TMEM108: variants seen among roughly 807,000 people sequenced by gnomAD.
The protein encoded by TMEM108 is transmembrane protein 108.
A neutral mutation model predicts 35.1 loss-of-function variants in TMEM108; 12 were observed. The observed-to-expected ratio is 0.34, with a 90% confidence interval of 0.22 to 0.55. TMEM108 has a LOEUF of 0.55. TMEM108 is among the 20% of genes least tolerant of loss of function. The probability of loss-of-function intolerance (pLI) is 0.89; values close to 1 mark genes in which losing one functional copy is unlikely to be tolerated. For missense variants in TMEM108, 680 were observed against 753.3 expected (o/e 0.90, Z 1.14); for synonymous variants, 287 against 308.6 (o/e 0.93, Z 0.73).
chr3:133,314,969 G>C (rs1272992542), intron 3 of TMEM108, among the ~76,000 whole-genome samples: 1 of 152,050 alleles, frequency 6.6e-6, no homozygotes, highest in Non-Finnish European at 1.5e-5. Context: ...TTAAAACTTG[G>C]CATCACCATC....
chr3:133,297,990 A>G (rs1415534273), intron 3 of TMEM108, among the ~76,000 whole-genome samples: 2 of 152,138 alleles, frequency 1.3e-5, no homozygotes, highest in East Asian at 1.9e-4. Flanking sequence ...ATGCATCCCT[A>G]CCTTGTAAGT....
intron 2 of TMEM108, among the ~76,000 whole-genome samples, chr3:133,150,329 A>G (rs1280237235): frequency 7.5e-6 from 1 of 132,880 alleles, no homozygotes; most frequent in Non-Finnish European, 1.6e-5. Flanking sequence ...ATTTAAAAAA[A>G]TCAGGTTATT....
chr3:133,041,398 C>A (rs1192555488), intron 1 of TMEM108, among the ~76,000 whole-genome samples: 1 of 152,160 alleles, frequency 6.6e-6, no homozygotes, highest in Non-Finnish European at 1.5e-5. Context: ...ACAAGTTGTA[C>A]CCTCCTTACC....
intron 2 of TMEM108, among the ~76,000 whole-genome samples, chr3:133,179,882 TC>T (rs1945305313): frequency 7.9e-6 from 1 of 127,144 alleles, no homozygotes; most frequent in African/African-American, 2.9e-5. Flanking sequence ...ACAAGCCTTA[TC>T]AAAAAAAAAA....
intron 2 of TMEM108, among the ~76,000 whole-genome samples, chr3:133,226,804 T>C (rs1218710724): frequency 6.6e-6 from 1 of 152,186 alleles, no homozygotes; most frequent in African/African-American, 2.4e-5. Flanking sequence ...TTCACACTAC[T>C]AATAAAGACA....
At position 133,280,959 on chromosome 3, in the gene TMEM108, GC is replaced by G. The variant is rs1264484752; in HGVS notation, c.40+51609del. On this transcript the variant is annotated intron_variant, in intron 3 of 5. Transcript: ENST00000321871. ...AGACTTCTTGAGGTCCAACCTTAAA[GC>G]TTTCACACTGTCACTTCTACCATAT... is the stretch of plus-strand genomic sequence containing the variant. Among the ~76,000 whole-genome samples, 9 of 152,340 alleles carry G rather than the reference GC, an allele frequency of 5.9e-5. No individual in the cohort carries two copies. The East Asian group carries it at 1.7e-3, about 29-fold the overall frequency.
chr3:133,356,499 G>A (rs1375879611), intron 3 of TMEM108, among the ~76,000 whole-genome samples: 5 of 152,002 alleles, frequency 3.3e-5, no homozygotes, highest in African/African-American at 9.7e-5. Flanking sequence ...AACCAAAAAA[G>A]AGCCCACATA....
intron 2 of TMEM108, among the ~76,000 whole-genome samples, chr3:133,223,428 C>G (rs1559873428): frequency 6.6e-6 from 1 of 152,152 alleles, no homozygotes; most frequent in Non-Finnish European, 1.5e-5. Flanking sequence ...GTTATTGGGT[C>G]TATAGGCATG....
chr3:133,180,414 CA>C (rs1447408539), intron 2 of TMEM108, among the ~76,000 whole-genome samples: 5 of 152,052 alleles, frequency 3.3e-5, no homozygotes, highest in African/African-American at 1.2e-4. Context: ...AATCAATTTC[CA>C]GTAACAATGT....
intron 3 of TMEM108, among the ~76,000 whole-genome samples, chr3:133,285,703 C>A (rs538171043): frequency 6.6e-6 from 1 of 152,154 alleles, no homozygotes; most frequent in Non-Finnish European, 1.5e-5. Flanking sequence ...AGCCTAATCC[C>A]GATCCCCTAG....
intron 2 of TMEM108, among the ~76,000 whole-genome samples, chr3:133,097,717 C>G (rs1343526605): frequency 6.6e-6 from 1 of 152,076 alleles, no homozygotes; most frequent in Non-Finnish European, 1.5e-5. Context: ...TAATTTTTAT[C>G]CAGAGAGACA....
At position 133,201,868 on chromosome 3, in the gene TMEM108, A is replaced by G. The variant is rs372461255; in HGVS notation, c.-46-27398A>G. On this transcript the variant is annotated intron_variant, in intron 2 of 5. Transcript: ENST00000321871. ...ATTTCTGGTTCTAGATCCTTGAGGG[A>G]TCGCCACACTGTCTTCCAAATGGTT... 2.3e-4 allele frequency among the ~76,000 whole-genome samples: 35 copies of G among 152,324 alleles called. No homozygotes were observed. The East Asian group carries it at 6.6e-3, about 29-fold the overall frequency.
rs566207678 is a variant in TMEM108, at chr3:133,115,317, A to T, written c.-47+69297A>T. Among the ~76,000 whole-genome samples the T allele has an allele frequency of 2.0e-5, 3 of 152,352 alleles. No individual in the cohort carries two copies. The South Asian group carries it at 6.2e-4, about 32-fold the overall frequency. On this transcript the variant is annotated intron_variant, in intron 2 of 5. Coordinates refer to ENST00000321871, the MANE Select transcript of TMEM108 (RefSeq NM_023943.4). ...ATTCCCACACACCAAGGATAAGCTG[A>T]CTAATAATAATATTAATAGCAGCAG...
At chr3:133,106,810 G>A (rs1043113372) in intron 2 of TMEM108, among the ~76,000 whole-genome samples, 1 of 152,266 alleles carries the variant, frequency 6.6e-6, no homozygotes, top group Admixed American at 6.5e-5. Flanking sequence ...ATTACAGTCC[G>A]AGGCAACAAC....
Position 133,124,167 on chromosome 3 carries a change from A to C in TMEM108, c.-47+78147A>C, listed in dbSNP as rs1386873553. On this transcript the variant is annotated intron_variant, in intron 2 of 5. Transcript: ENST00000321871. ...TTCAAGTATTCTTTAGAATTCACTG[A>C]GGGGAAAAAAATATGGAAAGCAGCA... 7.2e-5 allele frequency among the ~76,000 whole-genome samples: 11 copies of C among 152,210 alleles called. No homozygotes were observed. In the South Asian group the frequency reaches 8.3e-4, roughly 11 times the overall value.
chr3:133,231,171 G>A (rs1946147931), intron 3 of TMEM108, among the ~76,000 whole-genome samples: 1 of 152,018 alleles, frequency 6.6e-6, no homozygotes, highest in Admixed American at 6.6e-5. Flanking sequence ...TTGAGAACTA[G>A]CATCAACACA....
At chr3:133,242,994 G>A (rs1283092036) in intron 3 of TMEM108, among the ~76,000 whole-genome samples, 3 of 152,294 alleles carry the variant, frequency 2.0e-5, no homozygotes, top group Non-Finnish European at 4.4e-5. Context: ...TGCCCAAAAG[G>A]CAGAGAAACA....
At position 133,306,461 on chromosome 3, in the gene TMEM108, C is replaced by T. The variant is rs140392493; in HGVS notation, c.41-73291C>T. ...ATACATGTGCCATGTTGATTTGCTG[C>T]ACCCATTAACTTGTCATTTACATTA... On this transcript the variant is annotated intron_variant, in intron 3 of 5. Transcript: ENST00000321871. Among the ~76,000 whole-genome samples the T allele has an allele frequency of 7.2e-3, 1,098 of 152,238 alleles. 21 individuals carry two copies. Among genetic ancestry groups the T allele is most frequent in the African/African-American group, 0.025 (1,049 of 41,512 alleles).
intron 2 of TMEM108, among the ~76,000 whole-genome samples, chr3:133,114,520 C>T (rs952298185): frequency 3.9e-5 from 6 of 152,070 alleles, no homozygotes; most frequent in Non-Finnish European, 7.4e-5. Flanking sequence ...GAGTTTTGAC[C>T]ACTTACTTAA....
Sources: allele counts gnomAD v4.1 joint callset (sites outside exome capture counted in the v4.1 genomes callset), GRCh38; gene constraint gnomAD v4.1.1; transcripts MANE v1.5; gene names NCBI Gene and HGNC (gene_info 2026-07-23, HGNC 2026-07-21).